Variants in SIK3 observed in about 807,000 individuals in gnomAD.
The protein encoded by SIK3 is SIK family kinase 3.
Under a neutral mutation model 144.2 loss-of-function variants are expected in SIK3, and 28 were observed. The observed-to-expected ratio is 0.19, with a 90% CI of 0.14 to 0.27. The LOEUF (loss-of-function observed/expected upper bound fraction) is 0.27, where lower values mean the gene tolerates loss of function less well. Among genes scored for constraint, SIK3 ranks in the 10% least tolerant of loss-of-function variants. The pLI, the probability that SIK3 is intolerant of heterozygous loss-of-function variation, is 1.00. For synonymous variants in SIK3, 686 were observed against 676.3 expected (o/e 1.01, Z -0.22); for missense variants, 1,319 against 1,776.0 (o/e 0.74, Z 4.62).
chr11:116,871,128 A>G (rs1353730611), intron 13 of SIK3, among the ~76,000 whole-genome samples: 1 of 152,216 alleles, frequency 6.6e-6, no homozygotes, highest in African/African-American at 2.4e-5. Context: ...ATGTGAGTGA[A>G]ATGAGAACCA....
At chr11:117,017,144 C>A (rs1375912466) in intron 1 of SIK3, among the ~76,000 whole-genome samples, 1 of 152,176 alleles carries the variant, frequency 6.6e-6, no homozygotes, top group Non-Finnish European at 1.5e-5. Context: ...ATAGTCCCAG[C>A]TACTTGGAAG....
intron 1 of SIK3, among the ~76,000 whole-genome samples, chr11:117,074,908 CAGAG>C (rs952977438): frequency 1.5e-4 from 22 of 146,254 alleles, no homozygotes; most frequent in South Asian, 4.3e-4. Flanking sequence ...GCCTGGGTGA[CAGAG>C]AGAGACTCCG....
chr11:117,025,756 C>A (rs1422327416), intron 1 of SIK3, among the ~76,000 whole-genome samples: 1 of 152,078 alleles, frequency 6.6e-6, no homozygotes, highest in Non-Finnish European at 1.5e-5. Flanking sequence ...AAGTGCTCTG[C>A]AGACTGCAGA....
chr11:116,886,651 C>A (rs1056844465), intron 6 of SIK3, among the ~76,000 whole-genome samples: 1 of 152,152 alleles, frequency 6.6e-6, no homozygotes, highest in Non-Finnish European at 1.5e-5. Flanking sequence ...AGTTTTTTCA[C>A]TGTAAATTAA....
intron 1 of SIK3, among the ~76,000 whole-genome samples, chr11:117,081,089 T>A (rs1166965451): frequency 6.6e-6 from 1 of 151,990 alleles, no homozygotes; most frequent in Non-Finnish European, 1.5e-5. Flanking sequence ...TGGAATAATG[T>A]TGGAGATATA....
At chr11:116,862,353 T>C (rs375661781) in intron 16 of SIK3, 26 bp from the exon 17 acceptor site, 172 of 1,613,748 alleles carry the variant, frequency 1.1e-4, no homozygotes, top group Non-Finnish European at 1.4e-4. Context: ...TTAATACAGA[T>C]GGGATGCAGC....
At chr11:117,042,350 T>C (rs147064203) in intron 1 of SIK3, among the ~76,000 whole-genome samples, 1 of 152,192 alleles carries the variant, frequency 6.6e-6, no homozygotes, top group Non-Finnish European at 1.5e-5. Context: ...GTAAACGCAA[T>C]TCGCAGGTAA....
At chr11:116,929,902 G>A (rs545875629) in intron 3 of SIK3, among the ~76,000 whole-genome samples, 38 of 152,284 alleles carry the variant, frequency 2.5e-4, no homozygotes, top group African/African-American at 8.7e-4. Flanking sequence ...TCTACACATC[G>A]ATTGTCACTG....
intron 1 of SIK3, among the ~76,000 whole-genome samples, chr11:117,005,921 G>T (rs1450383667): frequency 2.0e-5 from 3 of 152,106 alleles, no homozygotes; most frequent in African/African-American, 7.2e-5. Context: ...AATCTCCACT[G>T]TAGGGCTAAA....
intron 1 of SIK3, among the ~76,000 whole-genome samples, chr11:116,968,690 C>T (rs987291774): frequency 2.0e-5 from 3 of 152,074 alleles, no homozygotes; most frequent in African/African-American, 7.2e-5. Flanking sequence ...CTCTGATGGT[C>T]CTAAATTTGC....
At chr11:117,075,649 C>T (rs765967929) in intron 1 of SIK3, among the ~76,000 whole-genome samples, 1 of 149,186 alleles carries the variant, frequency 6.7e-6, no homozygotes, top group Non-Finnish European at 1.5e-5. Context: ...TCACGCCATT[C>T]TCCTGCTTCA....
intron 2 of SIK3, among the ~76,000 whole-genome samples, chr11:116,956,187 C>T (rs929979374): frequency 1.3e-5 from 2 of 152,120 alleles, no homozygotes; most frequent in African/African-American, 4.8e-5. Flanking sequence ...CCCACCTCTC[C>T]CAAAATATCT....
chr11:116,929,038 A>T (rs1947446486), intron 3 of SIK3, among the ~76,000 whole-genome samples: 1 of 152,200 alleles, frequency 6.6e-6, no homozygotes, highest in African/African-American at 2.4e-5. Flanking sequence ...GGGTGTGTTT[A>T]GGCTTCCGGT....
At chr11:116,922,995 C>T (rs746844551) in intron 4 of SIK3, among the ~76,000 whole-genome samples, 1 of 144,932 alleles carries the variant, frequency 6.9e-6, no homozygotes, top group Non-Finnish European at 1.5e-5. Flanking sequence ...CAGCTCACTG[C>T]AACCTCTGCC....
chr11:116,971,831 G>C (rs1283298586), intron 1 of SIK3, among the ~76,000 whole-genome samples: 3 of 152,108 alleles, frequency 2.0e-5, no homozygotes, highest in Non-Finnish European at 4.4e-5. Flanking sequence ...GCTCACGCCT[G>C]TAATCCCAGC....
chr11:116,965,508 G>T (rs1314185271), intron 1 of SIK3, among the ~76,000 whole-genome samples: 1 of 151,462 alleles, frequency 6.6e-6, no homozygotes, highest in African/African-American at 2.4e-5. Context: ...ACAAATTGCA[G>T]AAGTTTAAGA....
chr11:116,872,882 G>T (rs966649165), intron 13 of SIK3, among the ~76,000 whole-genome samples: 3 of 152,130 alleles, frequency 2.0e-5, no homozygotes, highest in Admixed American at 6.6e-5. Flanking sequence ...ATGAATAAAT[G>T]AATGAATGAA....
At chr11:116,938,341 G>GGGGAC (rs1271649405) in intron 3 of SIK3, among the ~76,000 whole-genome samples, 327 of 6,864 alleles carry the variant, frequency 0.048, 92 homozygotes, top group Non-Finnish European at 0.1. Flanking sequence ...AGGAAAAGAA[G>GGGGAC]GGGACGGGAG....
chr11:116,949,341 G>A (rs1018889003), intron 3 of SIK3, among the ~76,000 whole-genome samples: 1 of 152,186 alleles, frequency 6.6e-6, no homozygotes, highest in African/African-American at 2.4e-5. Flanking sequence ...GTTTTTGCTA[G>A]GACTTTCTTC....
Sources: allele counts gnomAD v4.1 joint callset (sites outside exome capture counted in the v4.1 genomes callset), GRCh38; gene constraint gnomAD v4.1.1; transcripts MANE v1.5; gene names NCBI Gene and HGNC (gene_info 2026-07-23, HGNC 2026-07-21).